The following IL1RAPL2 variants were observed in gnomAD, a reference collection of about 807,000 sequenced individuals.
IL1RAPL2 encodes interleukin 1 receptor accessory protein like 2.
A neutral mutation model predicts 44.1 loss-of-function variants in IL1RAPL2; 3 were observed. The observed-to-expected ratio is 0.07, with a 90% CI of 0.03 to 0.18. The LOEUF (loss-of-function observed/expected upper bound fraction) is 0.18, where lower values mean the gene tolerates loss of function less well. IL1RAPL2 is among the 10% of genes least tolerant of loss of function. The probability of loss-of-function intolerance (pLI) is 1.00; values close to 1 mark genes in which losing one functional copy is unlikely to be tolerated. For missense variants in IL1RAPL2, 391 were observed against 496.4 expected (o/e 0.79, Z 2.02); for synonymous variants, 181 against 178.8 (o/e 1.01, Z -0.10).
intron 2 of IL1RAPL2, among the ~76,000 whole-genome samples, chrX:105,014,668 T>C (rs751610963): frequency 4.4e-5 from 5 of 112,602 alleles, no homozygotes; most frequent in Admixed American, 1.9e-4. Context: ...GGCTGCATAG[T>C]ATTCCATGGT....
intron 2 of IL1RAPL2, among the ~76,000 whole-genome samples, chrX:104,748,617 A>G (rs1013383192): frequency 1.8e-5 from 2 of 111,337 alleles, no homozygotes; most frequent in African/African-American, 3.3e-5. Context: ...CAAACTTCCC[A>G]TGGGAAGGCC....
intron 6 of IL1RAPL2, among the ~76,000 whole-genome samples, chrX:105,667,827 C>G (rs903588948): frequency 2.7e-5 from 3 of 111,537 alleles, no homozygotes; most frequent in African/African-American, 9.8e-5. Flanking sequence ...AATACCGTCT[C>G]TGGCTCTGAC....
At chrX:105,450,879 CG>C (rs2036014626) in intron 5 of IL1RAPL2, among the ~76,000 whole-genome samples, 1 of 107,128 alleles carries the variant, frequency 9.3e-6, no homozygotes, top group Non-Finnish European at 1.9e-5. Flanking sequence ...ATGTAAATAA[CG>C]AAGACCACAA....
At chrX:105,470,934 A>G (rs1026310696) in intron 5 of IL1RAPL2, among the ~76,000 whole-genome samples, 1 of 111,144 alleles carries the variant, frequency 9.0e-6, no homozygotes. Flanking sequence ...TGTCCTTTCA[A>G]CCTTCCTCTC....
chrX:105,737,707 G>A (rs1361050188), intron 7 of IL1RAPL2, among the ~76,000 whole-genome samples: 10 of 111,424 alleles, frequency 9.0e-5, no homozygotes, highest in East Asian at 5.7e-4. Flanking sequence ...TGGTGCCTAC[G>A]CAGCTTCTGG....
At chrX:105,275,659 T>TATAAGATGAA (rs199917018) in intron 5 of IL1RAPL2, among the ~76,000 whole-genome samples, 4,032 of 111,858 alleles carry the variant, frequency 0.036, 201 homozygotes, top group African/African-American at 0.12. Context: ...TTGTAGAGCA[T>TATAAGATGAA]CTTATAATTT....
intron 1 of IL1RAPL2, among the ~76,000 whole-genome samples, chrX:104,636,852 G>C (rs1346649439): frequency 9.0e-6 from 1 of 111,624 alleles, no homozygotes; most frequent in African/African-American, 3.3e-5. Context: ...CCACTGTCCT[G>C]CACCCACTTT....
intron 5 of IL1RAPL2, among the ~76,000 whole-genome samples, chrX:105,470,361 A>G (rs2036158251): frequency 8.9e-6 from 1 of 111,928 alleles, no homozygotes; most frequent in Non-Finnish European, 1.9e-5. Flanking sequence ...GTTACACTAT[A>G]AATTTTTAGT....
intron 2 of IL1RAPL2, among the ~76,000 whole-genome samples, chrX:105,162,628 TACAC>T (rs1021155125): frequency 1.8e-5 from 2 of 112,576 alleles, no homozygotes; most frequent in African/African-American, 6.5e-5. Flanking sequence ...CATTTATACA[TACAC>T]ACGCACTTAC....
At chrX:105,274,417 T>C (rs750851636) in intron 5 of IL1RAPL2, among the ~76,000 whole-genome samples, 9 of 112,519 alleles carry the variant, frequency 8.0e-5, no homozygotes, top group Non-Finnish European at 1.5e-4. Context: ...ATATTGAGAA[T>C]ATTCCAATGA....
chrX:105,562,512 AACACACACACACAC>A (rs55720100), intron 6 of IL1RAPL2, among the ~76,000 whole-genome samples: 2 of 91,596 alleles, frequency 2.2e-5, no homozygotes, highest in Admixed American at 1.3e-4. Context: ...ATTGAAAATA[AACACACACACACAC>A]ACACACACAC....
intron 1 of IL1RAPL2, among the ~76,000 whole-genome samples, chrX:104,639,307 A>G (rs1426844148): frequency 2.7e-5 from 3 of 110,874 alleles, no homozygotes; most frequent in Non-Finnish European, 5.7e-5. Context: ...CTTTCAGTCT[A>G]TGTGCATCTT....
chrX:105,694,565 A>G (rs752781434), intron 6 of IL1RAPL2, among the ~76,000 whole-genome samples: 100 of 111,435 alleles, frequency 9.0e-4, no homozygotes, highest in African/African-American at 3.2e-3. Context: ...GAACTAGAAC[A>G]TAAAATTCCT....
chrX:105,341,945 G>A (rs992993432), intron 5 of IL1RAPL2, among the ~76,000 whole-genome samples: 1 of 109,897 alleles, frequency 9.1e-6, no homozygotes, highest in Non-Finnish European at 1.9e-5. Context: ...AAAAGAAAAT[G>A]TGGCACATAT....
At chrX:104,607,626 G>A (rs1458171004) in intron 1 of IL1RAPL2, among the ~76,000 whole-genome samples, 1 of 111,828 alleles carries the variant, frequency 8.9e-6, no homozygotes, top group Non-Finnish European at 1.9e-5. Flanking sequence ...ACAAACATAC[G>A]AAAAAATGCT....
At chrX:104,920,274 C>G (rs1042436293) in intron 2 of IL1RAPL2, among the ~76,000 whole-genome samples, 1 of 110,893 alleles carries the variant, frequency 9.0e-6, no homozygotes, top group African/African-American at 3.3e-5. Context: ...TTTTCTTTCC[C>G]CTTACTTCTA....
chrX:105,392,143 A>G (rs1277430830), intron 5 of IL1RAPL2, among the ~76,000 whole-genome samples: 3 of 109,055 alleles, frequency 2.8e-5, no homozygotes, highest in Non-Finnish European at 5.7e-5. Flanking sequence ...CTTAAAGTAT[A>G]ATAATAATAA....
At chrX:104,788,683 T>G (rs1932811050) in intron 2 of IL1RAPL2, among the ~76,000 whole-genome samples, 1 of 112,005 alleles carries the variant, frequency 8.9e-6, no homozygotes. Context: ...ACCAAGAGCT[T>G]TCACTCAGCC....
chrX:105,742,366 A>G (rs1199910947), intron 8 of IL1RAPL2, among the ~76,000 whole-genome samples: 1 of 111,582 alleles, frequency 9.0e-6, no homozygotes, highest in East Asian at 2.8e-4. Context: ...ACATAGTGTT[A>G]TAATTAAAAA....
Sources: allele counts gnomAD v4.1 joint callset (sites outside exome capture counted in the v4.1 genomes callset), GRCh38; gene constraint gnomAD v4.1.1; transcripts MANE v1.5; gene names NCBI Gene and HGNC (gene_info 2026-07-23, HGNC 2026-07-21).